Variants in FRMD6 observed in about 807,000 individuals in gnomAD.
FRMD6 encodes FERM domain containing 6.
A neutral mutation model predicts 73.2 loss-of-function variants in FRMD6; 37 were observed. That is an observed-to-expected ratio of 0.51 (90% CI 0.39 to 0.66). The LOEUF (loss-of-function observed/expected upper bound fraction) is 0.66. FRMD6 is among the 30% of genes least tolerant of loss of function. The pLI, the probability that FRMD6 is intolerant of heterozygous loss-of-function variation, is 0.00. For synonymous variants in FRMD6, 273 were observed against 282.2 expected (o/e 0.97, Z 0.33); for missense variants, 714 against 780.5 (o/e 0.91, Z 1.02).
intron 2 of FRMD6, among the ~76,000 whole-genome samples, chr14:51,613,911 A>T (rs1410733616): frequency 2.0e-5 from 3 of 152,118 alleles, no homozygotes; most frequent in African/African-American, 7.2e-5. Context: ...TTTCAATATT[A>T]ATCAATACAA....
chr14:51,434,125 C>A, the FRMD6 span, among the ~76,000 whole-genome samples: 1 of 151,782 alleles, frequency 6.6e-6, no homozygotes, highest in East Asian at 1.9e-4. Flanking sequence ...TAGAATAAAC[C>A]CTATAGTGTT....
At chr14:51,586,270 A>C (rs1889044905) in intron 2 of FRMD6, among the ~76,000 whole-genome samples, 1 of 152,010 alleles carries the variant, frequency 6.6e-6, no homozygotes, top group Non-Finnish European at 1.5e-5. Context: ...TTTAACAATA[A>C]TCATTCTGAC....
the FRMD6 span, among the ~76,000 whole-genome samples, chr14:51,429,153 A>G: frequency 6.6e-6 from 1 of 152,204 alleles, no homozygotes; most frequent in African/African-American, 2.4e-5. Flanking sequence ...GTGTGAAGTC[A>G]TCTTTGATTC....
intron 2 of FRMD6, among the ~76,000 whole-genome samples, chr14:51,633,518 C>G (rs1470216839): frequency 4.2e-5 from 6 of 142,980 alleles, no homozygotes; most frequent in Non-Finnish European, 9.0e-5. Flanking sequence ...CGAGGATCAC[C>G]TGAGCCCAGG....
At chr14:51,638,771 C>G (rs1296319962) in intron 2 of FRMD6, among the ~76,000 whole-genome samples, 7 of 152,190 alleles carry the variant, frequency 4.6e-5, no homozygotes, top group African/African-American at 1.7e-4. Flanking sequence ...CACAGTAGAG[C>G]TTACACTGTT....
intron 2 of FRMD6, among the ~76,000 whole-genome samples, chr14:51,628,732 C>T (rs1279203596): frequency 8.1e-6 from 1 of 123,510 alleles, no homozygotes; most frequent in Non-Finnish European, 1.6e-5. Flanking sequence ...ACCCAGGTGG[C>T]AGAGGTTGCA....
chr14:51,715,529 AT>A, intron 10 of FRMD6, 30 bp downstream of exon 10: 1 of 1,541,170 alleles, frequency 6.5e-7, no homozygotes, highest in South Asian at 1.2e-5. Context: ...GTGGAAGCAA[AT>A]TGTACCTTTG....
chr14:51,597,417 A>G (rs895547429), intron 2 of FRMD6, among the ~76,000 whole-genome samples: 1 of 152,202 alleles, frequency 6.6e-6, no homozygotes, highest in African/African-American at 2.4e-5. Context: ...GATTTGGACA[A>G]TGCAGAGTTT....
At chr14:51,475,782 A>G in the FRMD6 span, among the ~76,000 whole-genome samples, 63 of 152,374 alleles carry the variant, frequency 4.1e-4, no homozygotes, top group African/African-American at 1.5e-3. Flanking sequence ...CAAAGTGCTC[A>G]TGAAATTACA....
At chr14:51,605,709 CTCTT>C (rs1890230655) in intron 2 of FRMD6, among the ~76,000 whole-genome samples, 1 of 152,126 alleles carries the variant, frequency 6.6e-6, no homozygotes, top group African/African-American at 2.4e-5. Context: ...TGGAATATGA[CTCTT>C]TCTATCATTG....
At chr14:51,481,584 C>T in the FRMD6 span, among the ~76,000 whole-genome samples, 1,322 of 152,302 alleles carry the variant, frequency 8.7e-3, 22 homozygotes, top group African/African-American at 0.03. Context: ...CAAAAGTATA[C>T]GGTGTAAAGG....
At chr14:51,575,039 T>A (rs1888329349) in intron 2 of FRMD6, among the ~76,000 whole-genome samples, 1 of 152,206 alleles carries the variant, frequency 6.6e-6, no homozygotes, top group African/African-American at 2.4e-5. Flanking sequence ...TGCTCTCATG[T>A]AAGAGCAGTT....
At chr14:51,503,875 T>C (rs1883779173) in intron 1 of FRMD6, among the ~76,000 whole-genome samples, 1 of 150,778 alleles carries the variant, frequency 6.6e-6, no homozygotes, top group South Asian at 2.1e-4. Context: ...GGGGGGGGGT[T>C]TGATAAGCTA....
intron 2 of FRMD6, among the ~76,000 whole-genome samples, chr14:51,621,623 A>G (rs998724655): frequency 4.6e-5 from 7 of 152,196 alleles, no homozygotes; most frequent in Non-Finnish European, 1.0e-4. Flanking sequence ...AGATTCTTGC[A>G]TCTCTAAATG....
the FRMD6 span, among the ~76,000 whole-genome samples, chr14:51,418,466 G>T: frequency 6.6e-6 from 1 of 152,160 alleles, no homozygotes; most frequent in East Asian, 1.9e-4. Context: ...GACCCTATTT[G>T]CCTGGGTATC....
chr14:51,570,697 C>G (rs1382659260), intron 2 of FRMD6, among the ~76,000 whole-genome samples: 1 of 152,220 alleles, frequency 6.6e-6, no homozygotes, highest in Non-Finnish European at 1.5e-5. Flanking sequence ...CTCTGATGCA[C>G]ATACAGTTCT....
At chr14:51,442,407 C>T in the FRMD6 span, among the ~76,000 whole-genome samples, 24 of 152,216 alleles carry the variant, frequency 1.6e-4, no homozygotes, top group Middle Eastern at 3.4e-3. Context: ...TAAATTCCAT[C>T]CCTTGATGAA....
At chr14:51,584,792 A>C (rs1211298601) in intron 2 of FRMD6, among the ~76,000 whole-genome samples, 1 of 151,906 alleles carries the variant, frequency 6.6e-6, no homozygotes, top group African/African-American at 2.4e-5. Context: ...CAGAGTCTGT[A>C]AATTATAGTG....
intron 1 of FRMD6, among the ~76,000 whole-genome samples, chr14:51,553,902 T>A (rs1886977142): frequency 6.6e-6 from 1 of 152,094 alleles, no homozygotes; most frequent in Non-Finnish European, 1.5e-5. Flanking sequence ...TACTTGAACA[T>A]CAAAATAGCA....
Sources: allele counts gnomAD v4.1 joint callset (sites outside exome capture counted in the v4.1 genomes callset), GRCh38; gene constraint gnomAD v4.1.1; transcripts MANE v1.5; gene names NCBI Gene and HGNC (gene_info 2026-07-23, HGNC 2026-07-21).